FAM193A: variants seen among roughly 807,000 people sequenced by gnomAD.
The protein encoded by FAM193A is protein FAM193A.
In FAM193A, 22 loss-of-function variants were observed where a neutral mutation model predicts 126.5. That is an observed-to-expected ratio of 0.17 (90% CI 0.12 to 0.25). The LOEUF (loss-of-function observed/expected upper bound fraction) is 0.25. FAM193A is among the 10% of genes least tolerant of loss of function. The probability of loss-of-function intolerance (pLI) is 1.00; values close to 1 mark genes in which losing one functional copy is unlikely to be tolerated. For missense variants in FAM193A, 1,675 were observed against 1,672.8 expected, an observed-to-expected ratio of 1.00 and a Z score of -0.02; for synonymous variants, 761 against 646.8, an observed-to-expected ratio of 1.18 and a Z score of -2.68.
chr4:2,628,668 TAGTG>T (rs2108989529), intron 4 of FAM193A, among the ~76,000 whole-genome samples: 1 of 152,234 alleles, frequency 6.6e-6, no homozygotes, highest in South Asian at 2.1e-4. Flanking sequence ...TTAGGTTTCC[TAGTG>T]AGTATTAGGA....
intron 1 of FAM193A, among the ~76,000 whole-genome samples, chr4:2,558,830 G>A (rs916640708): frequency 1.3e-5 from 2 of 152,180 alleles, no homozygotes; most frequent in Non-Finnish European, 2.9e-5. Flanking sequence ...GTGAAACCCC[G>A]TCTCTACTAA....
intron 19 of FAM193A, among the ~76,000 whole-genome samples, chr4:2,710,248 C>T (rs1718791853): frequency 1.4e-5 from 2 of 141,156 alleles, no homozygotes; most frequent in African/African-American, 5.2e-5. Context: ...GTTCTCGGCT[C>T]ACTGCAGCCT....
Position 2,699,930 on chromosome 4 carries a change from T to C in FAM193A, c.3758T>C (p.Val1253Ala), listed in dbSNP as rs772472302. The part of the protein sequence containing the change: ...TRNFQAATES[V>A]PNSGNIHNGS... Reference sequence around the variant, plus strand: ...AATTTCCAGGCAGCAACAGAGTCTGTTCCTAACTCTGGAAACATCCACAAT... The same window carrying C: ...AATTTCCAGGCAGCAACAGAGTCTGCTCCTAACTCTGGAAACATCCACAAT... The change falls in exon 19 of 21, where the codon GTT (valine) becomes GCT (alanine). Residue 1253 changes from valine to alanine, a missense_variant. Val to Ala is a moderately conservative substitution (Grantham distance 64). Coordinates refer to ENST00000637812, the MANE Select transcript of FAM193A (RefSeq NM_001366318.2). The C allele has an allele frequency of 1.2e-6, 2 of 1,613,914 alleles. No homozygotes were observed. The highest frequency in any genetic ancestry group is 1.3e-5 in the African/African-American group (1 of 74,916).
At chr4:2,626,916 T>G (rs1421983251) in intron 4 of FAM193A, among the ~76,000 whole-genome samples, 1 of 152,166 alleles carries the variant, frequency 6.6e-6, no homozygotes, top group African/African-American at 2.4e-5. Flanking sequence ...ACTCTTGCCT[T>G]TATCAACCCA....
At chr4:2,691,102 C>G (rs1241806888) in intron 15 of FAM193A, 132 bp downstream of exon 15, 1 of 759,318 alleles carries the variant, frequency 1.3e-6, no homozygotes, top group African/African-American at 1.8e-5. Context: ...AATTAACTGC[C>G]CAAAAATGCT....
chr4:2,608,600 C>T (rs1249322068), intron 2 of FAM193A, among the ~76,000 whole-genome samples: 1 of 152,158 alleles, frequency 6.6e-6, no homozygotes, highest in Admixed American at 6.5e-5. Flanking sequence ...CCACCAGAGT[C>T]CTGTGTCCTG....
intron 19 of FAM193A, among the ~76,000 whole-genome samples, chr4:2,702,381 C>G (rs969924049): frequency 1.3e-5 from 2 of 152,140 alleles, no homozygotes; most frequent in Non-Finnish European, 2.9e-5. Context: ...GGGCTCATCT[C>G]GTGTCTTCTC....
chr4:2,576,767 A>G (rs1739611829), intron 1 of FAM193A, among the ~76,000 whole-genome samples: 1 of 152,244 alleles, frequency 6.6e-6, no homozygotes, highest in South Asian at 2.1e-4. Flanking sequence ...GTGTGCTTCT[A>G]GTCCTCAAAG....
intron 20 of FAM193A, among the ~76,000 whole-genome samples, chr4:2,719,669 T>A (rs1049633918): frequency 6.8e-6 from 1 of 146,000 alleles, no homozygotes; most frequent in Non-Finnish European, 1.5e-5. Context: ...CACTTGAACC[T>A]GGGAGGCGGA....
chr4:2,724,225 T>C (rs1483670433), intron 20 of FAM193A, among the ~76,000 whole-genome samples: 1 of 152,210 alleles, frequency 6.6e-6, no homozygotes, highest in Non-Finnish European at 1.5e-5. Context: ...ATAAATCTTT[T>C]ATAACCTCTT....
At chr4:2,604,529 A>G (rs1331592797) in intron 2 of FAM193A, among the ~76,000 whole-genome samples, 1 of 152,134 alleles carries the variant, frequency 6.6e-6, no homozygotes, top group Non-Finnish European at 1.5e-5. Context: ...GGTTGAAATT[A>G]TTATTAAGTC....
At chr4:2,544,138 A>G (rs76899309) in intron 1 of FAM193A, among the ~76,000 whole-genome samples, 4,318 of 152,292 alleles carry the variant, frequency 0.028, 224 homozygotes, top group African/African-American at 0.098. Context: ...CTTAACTAAA[A>G]TTAACAATTT....
intron 2 of FAM193A, among the ~76,000 whole-genome samples, chr4:2,621,421 C>T (rs1230243039): frequency 1.3e-5 from 2 of 152,168 alleles, no homozygotes; most frequent in African/African-American, 4.8e-5. Context: ...CAATCAGAGG[C>T]TCACTGACTA....
chr4:2,705,673 T>G (rs972491130), intron 19 of FAM193A, among the ~76,000 whole-genome samples: 1 of 152,024 alleles, frequency 6.6e-6, no homozygotes, highest in Non-Finnish European at 1.5e-5. Context: ...CACTGCAGCC[T>G]GGAACTCCTG....
chr4:2,660,447 G>A (rs1413955424), intron 10 of FAM193A, among the ~76,000 whole-genome samples: 1 of 152,174 alleles, frequency 6.6e-6, no homozygotes, highest in East Asian at 1.9e-4. Flanking sequence ...GCTTTAGCAA[G>A]CAGTTGAAGG....
At chr4:2,594,603 C>G (rs1345070577) in intron 1 of FAM193A, among the ~76,000 whole-genome samples, 1 of 152,094 alleles carries the variant, frequency 6.6e-6, no homozygotes, top group African/African-American at 2.4e-5. Flanking sequence ...TTGCCCTGCT[C>G]CCTGGGAGTG....
In FAM193A at chr4:2,694,606, C is replaced by T. The variant is rs10019119; in HGVS notation, c.3093-340C>T. 3.9e-3 allele frequency among the ~76,000 whole-genome samples: 586 copies of T among 152,176 alleles called. 4 individuals are homozygous for T. The highest frequency in any genetic ancestry group is 0.014 in the African/African-American group (565 of 41,530). ...AGACAAATTCTGTTACCTTTGAACT[C>T]GCCTGTTTGAAGCTATACCCCTTTT... On this transcript the variant is annotated intron_variant, in intron 16 of 20. Coordinates refer to ENST00000637812, the MANE Select transcript of FAM193A (RefSeq NM_001366318.2).
intron 1 of FAM193A, among the ~76,000 whole-genome samples, chr4:2,566,848 T>C (rs1054225628): frequency 6.6e-6 from 1 of 152,184 alleles, no homozygotes; most frequent in Non-Finnish European, 1.5e-5. Context: ...CTTGAACTTA[T>C]TAAAAATACA....
intron 19 of FAM193A, among the ~76,000 whole-genome samples, chr4:2,711,452 G>C (rs934447304): frequency 1.3e-5 from 2 of 151,328 alleles, no homozygotes; most frequent in Admixed American, 6.6e-5. Flanking sequence ...CAATTCTCCT[G>C]TCTCAGCCTC....
Sources: gnomAD v4.1 joint callset for allele counts (sites outside exome capture counted in the v4.1 genomes callset) on GRCh38, gnomAD v4.1.1 for gene constraint, MANE v1.5 for transcripts, NCBI Gene and HGNC (gene_info 2026-07-23, HGNC 2026-07-21) for gene names.